PCDHA4: variants seen among roughly 807,000 people sequenced by gnomAD.
PCDHA4 encodes the protein protocadherin alpha 4.
Under a neutral mutation model 61.4 loss-of-function variants are expected in PCDHA4, and 49 were observed. The ratio of observed to expected loss-of-function variants is 0.80; its 90% CI spans 0.63 to 1.01. The LOEUF (loss-of-function observed/expected upper bound fraction) is 1.01, where lower values mean the gene tolerates loss of function less well. PCDHA4 is among the 50% of genes least tolerant of loss of function. PCDHA4 has a pLI of 0.00. For synonymous variants in PCDHA4, 590 were observed against 550.3 expected, an observed-to-expected ratio of 1.07 and a Z score of -1.01; for missense variants, 1,254 against 1,235.8, an observed-to-expected ratio of 1.01 and a Z score of -0.22.
chr5:140,816,962 T>C (rs1766034734), intron 1 of PCDHA4: 1 of 152,144 alleles, frequency 6.6e-6, no homozygotes, highest in Non-Finnish European at 1.5e-5. Context: ...GACAGAAACT[T>C]GGACTGCCCA....
intron 1 of PCDHA4, among the ~76,000 whole-genome samples, chr5:140,886,192 G>A (rs2060891690): frequency 6.6e-6 from 1 of 152,118 alleles, no homozygotes; most frequent in Non-Finnish European, 1.5e-5. Context: ...CTGGCAAGCA[G>A]TAATCTGTTC....
intron 1 of PCDHA4, among the ~76,000 whole-genome samples, chr5:140,891,611 T>G (rs1457156522): frequency 6.6e-6 from 1 of 152,226 alleles, no homozygotes; most frequent in East Asian, 1.9e-4. Context: ...TTTCTACCTT[T>G]TATTTTAACA....
intron 1 of PCDHA4, among the ~76,000 whole-genome samples, chr5:140,950,043 A>G (rs1011500100): frequency 1.6e-4 from 25 of 151,950 alleles, no homozygotes; most frequent in Non-Finnish European, 3.4e-4. Context: ...TTACAACCAT[A>G]TAAGACTATT....
intron 3 of PCDHA4, among the ~76,000 whole-genome samples, chr5:140,987,981 ACT>A (rs2153869731): frequency 6.6e-6 from 1 of 152,028 alleles, no homozygotes; most frequent in African/African-American, 2.4e-5. Context: ...CTCCATGGAG[ACT>A]CCATCTCTGA....
At chr5:140,991,411 C>G (rs905076175) in intron 3 of PCDHA4, among the ~76,000 whole-genome samples, 8 of 152,156 alleles carry the variant, frequency 5.3e-5, no homozygotes, top group Admixed American at 5.2e-4. Flanking sequence ...TCCCATTATG[C>G]TATAACAAAT....
chr5:140,954,523 G>A (rs1368260807), intron 1 of PCDHA4, among the ~76,000 whole-genome samples: 4 of 152,186 alleles, frequency 2.6e-5, no homozygotes, highest in African/African-American at 9.6e-5. Flanking sequence ...AATGATCAGT[G>A]ATGTTGAGGT....
Position 140,981,745 on chromosome 5 carries a change from T to C in PCDHA4, c.2445-730T>C, listed in dbSNP as rs145941614. On this transcript the variant is annotated intron_variant, in intron 2 of 3. Coordinates refer to ENST00000530339, the MANE Select transcript of PCDHA4 (RefSeq NM_018907.4). ...CAAATATTTGAGAGATTAATATGAG[T>C]TAGTATTAGACATACATAAATGAAT... Among the ~76,000 whole-genome samples the C allele has an allele frequency of 1.1e-3, 160 of 152,294 alleles. 1 individual carries two copies. The East Asian group carries it at 0.027, about 25-fold the overall frequency.
At position 140,917,315 on chromosome 5, in the gene PCDHA4, T is replaced by C. The variant is rs1015690007; in HGVS notation, c.2386-61634T>C. Among the ~76,000 whole-genome samples, 5 of 128,328 alleles carry C rather than the reference T, an allele frequency of 3.9e-5. No homozygotes were observed. In the East Asian group the frequency reaches 1.3e-3, roughly 32 times the overall value. 84.2% of individuals were successfully genotyped at this position (128,328 alleles called of 152,430 possible). A position where few individuals can be genotyped will look rare whatever the true frequency, so the allele number is the denominator to read the frequency against. On this transcript the variant is annotated intron_variant, in intron 1 of 3. Coordinates refer to ENST00000530339, the MANE Select transcript of PCDHA4 (RefSeq NM_018907.4). Reference sequence around the variant, plus strand: ...TGCAGATAGTTGTTACAATTTGGTGTTCATGTGGCGGGGGAGGGGGGGGAT... The same window carrying C: ...TGCAGATAGTTGTTACAATTTGGTGCTCATGTGGCGGGGGAGGGGGGGGAT...
chr5:140,836,036 G>T, intron 1 of PCDHA4: 1 of 1,613,512 alleles, frequency 6.2e-7, no homozygotes, highest in Non-Finnish European at 8.5e-7. Context: ...ACGTGACGCT[G>T]CAGGTGTTCG....
intron 1 of PCDHA4, chr5:140,834,289 T>G: frequency 8.4e-7 from 1 of 1,186,076 alleles, no homozygotes; most frequent in Non-Finnish European, 1.2e-6. Flanking sequence ...TGCACAACAA[T>G]GGCCACACAT....
At chr5:140,909,574 T>G (rs1363183074) in intron 1 of PCDHA4, among the ~76,000 whole-genome samples, 1 of 152,134 alleles carries the variant, frequency 6.6e-6, no homozygotes, top group Non-Finnish European at 1.5e-5. Flanking sequence ...TCCAGAGATG[T>G]GATATGTTTT....
chr5:140,882,161 T>C (rs1235221234), intron 1 of PCDHA4: 1 of 1,509,194 alleles, frequency 6.6e-7, no homozygotes, highest in African/African-American at 1.4e-5. Flanking sequence ...GGAATACCTC[T>C]TGCGAATCCT....
At position 140,808,000 on chromosome 5, in the gene PCDHA4, A is replaced by G. The variant is rs1764079769; in HGVS notation, c.813A>G (p.Glu271=). The G allele has an allele frequency of 6.2e-7, 1 of 1,613,752 alleles. No individual in the cohort carries two copies. Among genetic ancestry groups the G allele is most frequent in the Non-Finnish European group, 8.5e-7 (1 of 1,179,654 alleles). ...AACTTAACGCCTCAGATTTAGACGAAGGATTGAATGGGGACATTGTTTATT... is the reference window on the plus strand; with the variant it reads ...AACTTAACGCCTCAGATTTAGACGAGGGATTGAATGGGGACATTGTTTATT... ...VIKLNASDLD[E]GLNGDIVYSF... Residue 271 remains glutamate (E), a synonymous_variant, in exon 1 of 4, where the codon GAA becomes GAG. Coordinates refer to ENST00000530339, the MANE Select transcript of PCDHA4 (RefSeq NM_018907.4).
chr5:140,817,270 G>T (rs1163288227), intron 1 of PCDHA4: 1 of 152,194 alleles, frequency 6.6e-6, no homozygotes, highest in African/African-American at 2.4e-5. Context: ...TGTTTGAATG[G>T]AACTGTGCTG....
At chr5:140,841,786 G>C in intron 1 of PCDHA4, 1 of 1,613,902 alleles carries the variant, frequency 6.2e-7, no homozygotes, top group Non-Finnish European at 8.5e-7. Context: ...TTCCGCTAGA[G>C]GGCGCGTCCG....
rs991591970 is a variant in PCDHA4, at chr5:140,855,546, A to G, written c.2385+45974A>G. Reference sequence around the variant, plus strand: ...GAAAGAGAAGTAAGTTAAGTGTCAGAACTTAAATGGAACTAAAGTTGTCAT... The same window carrying G: ...GAAAGAGAAGTAAGTTAAGTGTCAGGACTTAAATGGAACTAAAGTTGTCAT... On this transcript the variant is annotated intron_variant, in intron 1 of 3. Coordinates refer to ENST00000530339, the MANE Select transcript of PCDHA4 (RefSeq NM_018907.4). Among the ~76,000 whole-genome samples the G allele has an allele frequency of 1.2e-4, 18 of 150,024 alleles. 2 individuals carry two copies. The highest frequency in any genetic ancestry group is 1.8e-4 in the Non-Finnish European group (12 of 67,114).
At position 140,928,541 on chromosome 5, in the gene PCDHA4, A is replaced by G. The variant is rs149868042; in HGVS notation, c.2386-50408A>G. On this transcript the variant is annotated intron_variant, in intron 1 of 3. Transcript: ENST00000530339. ...AACTTGTTTGTGGTAGATAGGAATG[A>G]CAATTATCCGGTTATCTTGTTTCCC... 2 of 1,614,192 alleles carry G rather than the reference A, an allele frequency of 1.2e-6. No homozygotes were observed. Among genetic ancestry groups the G allele is most frequent in the African/African-American group, 1.3e-5 (1 of 75,044 alleles).
intron 1 of PCDHA4, chr5:140,853,408 AG>A: frequency 1.0e-6 from 1 of 986,092 alleles, no homozygotes; most frequent in Middle Eastern, 5.3e-4. Flanking sequence ...CAAAACAGAG[AG>A]GTGAAAGCAG....
intron 1 of PCDHA4, chr5:140,821,809 C>T: frequency 1.9e-6 from 3 of 1,613,446 alleles, no homozygotes; most frequent in Admixed American, 1.7e-5. Context: ...TCTGGGATCC[C>T]GGCTCCTGCT....
Sources: allele counts gnomAD v4.1 joint callset (sites outside exome capture counted in the v4.1 genomes callset), GRCh38; gene constraint gnomAD v4.1.1; transcripts MANE v1.5; gene names NCBI Gene and HGNC (gene_info 2026-07-23, HGNC 2026-07-21).